Variants in TEX15 observed in about 807,000 individuals in gnomAD.
TEX15 encodes the protein testis expressed 15, meiosis and synapsis associated, also known as testis-expressed protein 15.
A neutral mutation model predicts 237.3 loss-of-function variants in TEX15; 171 were observed. That is an observed-to-expected ratio of 0.72 (90% CI 0.64 to 0.82). TEX15 has a LOEUF of 0.82. Among genes scored for constraint, TEX15 ranks in the 40% least tolerant of loss-of-function variants. The pLI, the probability that TEX15 is intolerant of heterozygous loss-of-function variation, is 0.00. For synonymous variants in TEX15, 1,338 were observed against 1,269.8 expected (o/e 1.05, Z -1.14); for missense variants, 3,750 against 3,646.5 (o/e 1.03, Z -0.73).
At position 30,848,007 on chromosome 8, in the gene TEX15, C is replaced by G. The variant is rs1293912660; in HGVS notation, c.2160G>C (p.Leu720=). 1 of 1,613,924 alleles carries G rather than the reference C, an allele frequency of 6.2e-7. No homozygotes were observed. The highest frequency in any genetic ancestry group is 1.7e-5 in the Admixed American group (1 of 60,014). Residue 720 remains leucine, a synonymous_variant, in exon 8 of 11, where the codon CTG becomes CTC. Transcript: ENST00000643185. ...CAGAGTGCTGAGGATGCTTTTGTGA[C>G]AGGCTCTCAAAACTTGGAGTAATTT... is the stretch of plus-strand genomic sequence containing the variant. ...EWQITPSFES[L]SQKHPQHSVE...
At chr8:30,858,854 G>C (rs1245638351) in intron 6 of TEX15, 24 bp from the exon 7 acceptor site, 1 of 1,478,546 alleles carries the variant, frequency 6.8e-7, no homozygotes, top group African/African-American at 1.4e-5. Flanking sequence ...ACAGGTTCAT[G>C]CTGATTAATT....
rs929917 is a variant in TEX15, at chr8:30,874,978, C to T, written c.261G>A (p.Leu87=). 2.2e-6 allele frequency: 3 copies of T among 1,369,482 alleles called. No individual in the cohort carries two copies. The highest frequency in any genetic ancestry group is 2.8e-6 in the Non-Finnish European group (3 of 1,061,108). 84.8% of individuals were successfully genotyped at this position (1,369,482 alleles called of 1,614,324 possible). A position where few individuals can be genotyped will look rare whatever the true frequency, so the allele number is the denominator to read the frequency against. Reference sequence around the variant, plus strand: ...TTTTTTCCAGTTCCTCATTGTGAACCAGTTTTGTATCCCCAAACTGCCATA... The same window carrying T: ...TTTTTTCCAGTTCCTCATTGTGAACTAGTTTTGTATCCCCAAACTGCCATA... ...QSLWQFGDTK[L]VHNEELEKNF... is the part of the protein sequence containing the mutation. The change falls in exon 4 of 11, where the codon CTG becomes CTA. Residue 87 remains leucine (L), a synonymous_variant. Coordinates refer to ENST00000643185, the MANE Select transcript of TEX15 (RefSeq NM_001350162.2).
chr8:30,907,222 T>C (rs1053297876), intron 1 of TEX15, among the ~76,000 whole-genome samples: 5 of 152,122 alleles, frequency 3.3e-5, no homozygotes, highest in South Asian at 2.1e-4. Context: ...TCATGGCTCA[T>C]TGTGTGCCTG....
rs147353705 is a variant in TEX15 at position 30,853,845 on chromosome 8, C to T, written c.851-4529G>A. On this transcript the variant is annotated intron_variant, in intron 7 of 10. Transcript: ENST00000643185. ...AACTACAATGGAATGAAATAGATAT[C>T]GGTTAACAAAAAAATTTTGGAAATT... Among the ~76,000 whole-genome samples the T allele has an allele frequency of 6.8e-3, 1,037 of 151,640 alleles. 9 individuals are homozygous for T. The highest frequency in any genetic ancestry group is 0.017 in the Middle Eastern group (5 of 294).
Position 30,860,059 on chromosome 8 carries a change from T to C in TEX15, c.541-2A>G. 3.5e-6 allele frequency: 4 copies of C among 1,154,858 alleles called. No individual in the cohort carries two copies. The highest frequency in any genetic ancestry group is 4.5e-6 in the Non-Finnish European group (4 of 884,598). The allele number at this position is 1,154,858 out of a possible 1,614,324, so 71.5% of individuals were successfully genotyped here. ...TTTCTTCACTTTTCCAAAGAGAACC[T>C]AAAAAAAAAAAAGCCAAAAAAAAAG... On this transcript the variant is annotated splice_acceptor_variant, in intron 5 of 10. Transcript: ENST00000643185. LOFTEE classifies it high-confidence loss of function.
At chr8:30,895,571 T>TA (rs1164478383) in intron 2 of TEX15, among the ~76,000 whole-genome samples, 18 of 151,336 alleles carry the variant, frequency 1.2e-4, no homozygotes, top group Admixed American at 7.3e-4. Flanking sequence ...TTTTTTTTTT[T>TA]AACGGAGCTC....
At position 30,832,395 on chromosome 8, in the gene TEX15, G is replaced by A. The variant is rs1441344374; in HGVS notation, c.*891C>T. The A allele has an allele frequency of 6.6e-6, 1 of 152,182 alleles. No individual in the cohort carries two copies. The highest frequency in any genetic ancestry group is 1.5e-5 in the Non-Finnish European group (1 of 68,018). 9.4% of individuals were successfully genotyped at this position (152,182 alleles called of 1,614,324 possible). On this transcript the variant is annotated 3_prime_UTR_variant, in exon 11 of 11. Coordinates refer to ENST00000643185, the MANE Select transcript of TEX15 (RefSeq NM_001350162.2). Reference sequence around the variant, plus strand: ...TACAGAAAACAGGAATAGCTGTTGAGCAAGAAAGGTAATACATGAAAAGAG... The same window carrying A: ...TACAGAAAACAGGAATAGCTGTTGAACAAGAAAGGTAATACATGAAAAGAG...
chr8:30,903,808 CAG>C (rs1330645067), intron 1 of TEX15, among the ~76,000 whole-genome samples: 1 of 152,166 alleles, frequency 6.6e-6, no homozygotes, highest in Non-Finnish European at 1.5e-5. Flanking sequence ...CAGATATAAA[CAG>C]AGAGATAATT....
chr8:30,866,892 A>G (rs1808180996), intron 5 of TEX15, among the ~76,000 whole-genome samples: 1 of 152,080 alleles, frequency 6.6e-6, no homozygotes, highest in Admixed American at 6.6e-5. Flanking sequence ...CAGGAGTTTA[A>G]AAATAACTAG....
chr8:30,852,632 C>T (rs1015095640), intron 7 of TEX15, among the ~76,000 whole-genome samples: 4 of 152,022 alleles, frequency 2.6e-5, no homozygotes, highest in Non-Finnish European at 5.9e-5. Flanking sequence ...TCTCACAAAT[C>T]ACCACTAAAG....
chr8:30,867,582 A>G (rs1808201094), intron 4 of TEX15, 80 bp from the exon 5 acceptor site: 1 of 792,014 alleles, frequency 1.3e-6, no homozygotes, highest in Non-Finnish European at 2.0e-6. Context: ...TCCACTTACC[A>G]CAGTTAGAAA....
At chr8:30,840,475 C>T (rs1206999625) in intron 8 of TEX15, among the ~76,000 whole-genome samples, 1 of 152,168 alleles carries the variant, frequency 6.6e-6, no homozygotes, top group Non-Finnish European at 1.5e-5. Context: ...GGATTACAGG[C>T]AAGAGCCACC....
intron 10 of TEX15, among the ~76,000 whole-genome samples, chr8:30,835,701 T>C (rs1471115597): frequency 6.6e-6 from 1 of 152,258 alleles, no homozygotes; most frequent in African/African-American, 2.4e-5. Context: ...GGATAATTGT[T>C]TTTATATTTT....
At chr8:30,894,850 T>G (rs918663099) in intron 2 of TEX15, among the ~76,000 whole-genome samples, 2 of 152,184 alleles carry the variant, frequency 1.3e-5, no homozygotes, top group Non-Finnish European at 2.9e-5. Context: ...GGTGCCTTCA[T>G]GAAGGTACCC....
In TEX15 at chr8:30,843,315, T is replaced by C. The variant is rs191144810; in HGVS notation, c.6852A>G (p.Thr2284=). The change falls in exon 8 of 11, where the codon ACA becomes ACG. Residue 2284 remains threonine, a synonymous_variant. Coordinates refer to ENST00000643185, the MANE Select transcript of TEX15 (RefSeq NM_001350162.2). The stretch of plus-strand genomic sequence containing the variant: ...GTGAGTATTTTTTGCTGAAGGATTG[T>C]GTTCTCTCTTTCCAAACAAGATTTT... ...AAKNLVWKER[T]QSFSKKYSQK... 6 of 1,611,968 alleles carry C rather than the reference T, an allele frequency of 3.7e-6. No individual in the cohort carries two copies. The East Asian group carries it at 6.7e-5, about 18-fold the overall frequency.
chr8:30,844,030 A>G lies in TEX15; in HGVS notation c.6137T>C (p.Leu2046Pro). 6.2e-7 allele frequency: 1 copy of G among 1,611,624 alleles called. No homozygotes were observed. The highest frequency in any genetic ancestry group is 2.2e-5 in the East Asian group (1 of 44,854). Residue 2046 changes from leucine (L) to proline (P), a missense_variant, in exon 8 of 11, where the codon CTG becomes CCG. Physicochemically the swap from Leu to Pro is moderately conservative, Grantham distance 98. Coordinates refer to ENST00000643185, the MANE Select transcript of TEX15 (RefSeq NM_001350162.2). The part of the protein sequence containing the change: ...RKQECSVEQI[L>P]ISRELLVDQN... ...GTCTACCAACAGTTCTCTTGAAATC[A>G]GGATTTGTTCAACTGAACATTCTTG...
rs1333888713 is a variant in TEX15 at position 30,844,520 on chromosome 8, A to T, written c.5647T>A (p.Ser1883Thr). The T allele has an allele frequency of 6.2e-7, 1 of 1,612,948 alleles. No individual in the cohort carries two copies. The highest frequency in any genetic ancestry group is 1.7e-5 in the Admixed American group (1 of 59,942). Reference protein sequence around the residue: ...KNQKNQISEESCLNEKIITTN... With the variant: ...KNQKNQISEETCLNEKIITTN... ...GTAATAATTTTCTCATTTAAGCAGG[A>T]TTCTTCTGAGATCTGATTCTTTTGA... is the stretch of plus-strand genomic sequence containing the variant. Residue 1883 changes from serine (S) to threonine (T), a missense_variant, in exon 8 of 11, where the codon TCC becomes ACC. Transcript: ENST00000643185.
chr8:30,883,459 TG>T (rs1479451938), intron 3 of TEX15, among the ~76,000 whole-genome samples: 1 of 152,078 alleles, frequency 6.6e-6, no homozygotes, highest in Non-Finnish European at 1.5e-5. Context: ...TGTGCCATGG[TG>T]GTTTGCTGCA....
Position 30,842,331 on chromosome 8 carries a change from A to G in TEX15, c.7836T>C (p.Ile2612=), listed in dbSNP as rs1807477504. The G allele has an allele frequency of 8.7e-6, 14 of 1,613,826 alleles. No individual in the cohort carries two copies. The highest frequency in any genetic ancestry group is 1.2e-5 in the Non-Finnish European group (14 of 1,179,882). ...GTTCAATCGTTTTCATGACTTTCCT[A>G]ATGTGGGCCATTTTTCCTAAATCTT... is the stretch of plus-strand genomic sequence containing the variant. ...PRKDLGKMAH[I]RKVMKTIEHM... is the part of the protein sequence containing the mutation. The change falls in exon 8 of 11, where the codon ATT becomes ATC. Residue 2612 remains isoleucine, a synonymous_variant. Coordinates refer to ENST00000643185, the MANE Select transcript of TEX15 (RefSeq NM_001350162.2).
Sources: allele counts gnomAD v4.1 joint callset (sites outside exome capture counted in the v4.1 genomes callset), GRCh38; gene constraint gnomAD v4.1.1; transcripts MANE v1.5; gene names NCBI Gene and HGNC (gene_info 2026-07-23, HGNC 2026-07-21).